The following CBX1 variants were observed in gnomAD, a reference collection of about 807,000 sequenced individuals.
CBX1 encodes the protein chromobox protein homolog 1.
A neutral mutation model predicts 25.1 loss-of-function variants in CBX1; 10 were observed. The ratio of observed to expected loss-of-function variants is 0.40; its 90% CI spans 0.25 to 0.68. The LOEUF is 0.68. Among genes scored for constraint, CBX1 ranks in the 30% least tolerant of loss-of-function variants. The probability of loss-of-function intolerance (pLI) is 0.40; values close to 1 mark genes in which losing one functional copy is unlikely to be tolerated. For synonymous variants in CBX1, 63 were observed against 79.4 expected (o/e 0.79, Z 1.10); for missense variants, 106 against 218.5 (o/e 0.49, Z 3.25).
chr17:48,084,669 G>A, intron 1 of CBX1, among the ~76,000 whole-genome samples: 1 of 149,440 alleles, frequency 6.7e-6, no homozygotes, highest in Non-Finnish European at 1.5e-5. Flanking sequence ...CCAGCACTTT[G>A]GGAGGCTGAG....
At chr17:48,092,320 A>G (rs935153215) in intron 1 of CBX1, among the ~76,000 whole-genome samples, 14 of 150,320 alleles carry the variant, frequency 9.3e-5, no homozygotes, top group Non-Finnish European at 3.0e-5. Flanking sequence ...CTATCTATTA[A>G]AAAAAAAATA....
intron 1 of CBX1, among the ~76,000 whole-genome samples, chr17:48,089,877 G>T (rs1471675278): frequency 6.6e-6 from 1 of 151,440 alleles, no homozygotes; most frequent in Non-Finnish European, 1.5e-5. Context: ...GTAAAGAAAG[G>T]AAGTAAATTC....
At chr17:48,082,458 T>C (rs180683220) in intron 1 of CBX1, among the ~76,000 whole-genome samples, 4,612 of 127,474 alleles carry the variant, frequency 0.036, 297 homozygotes, top group African/African-American at 0.13. Flanking sequence ...GCCGAGATCA[T>C]GCCACTGCAC....
At chr17:48,071,637 T>C in intron 4 of CBX1, 58 bp from the exon 5 acceptor site, 1 of 1,472,856 alleles carries the variant, frequency 6.8e-7, no homozygotes, top group African/African-American at 1.4e-5. Flanking sequence ...TATCCTAAGT[T>C]GGATAACCCA....
intron 4 of CBX1, among the ~76,000 whole-genome samples, chr17:48,074,220 C>CTGTGTG (rs34047980): frequency 4.0e-5 from 6 of 150,658 alleles, no homozygotes; most frequent in African/African-American, 1.2e-4. Context: ...GCTCCATAGA[C>CTGTGTG]TGTGTGTGTG....
chr17:48,093,376 G>A (rs556821991), intron 1 of CBX1, among the ~76,000 whole-genome samples: 12 of 151,636 alleles, frequency 7.9e-5, no homozygotes, highest in Admixed American at 5.9e-4. Context: ...GTCCGAAATG[G>A]CAAGCATACA....
At position 48,096,456 on chromosome 17, in the gene CBX1, T is replaced by C. The variant is rs182690030; in HGVS notation, c.-38+4812A>G. The stretch of plus-strand genomic sequence containing the variant: ...TGGTTAGAAAGCTAGACCAGAATTA[T>C]GACTACATTGGAAACGTATCAGAAC... On this transcript the variant is annotated intron_variant, in intron 1 of 4. Coordinates refer to ENST00000225603, the MANE Select transcript of CBX1 (RefSeq NM_001127228.2). 1.2e-3 allele frequency: 998 copies of C among 811,318 alleles called. 2 individuals are homozygous for C. Among genetic ancestry groups the C allele is most frequent in the Non-Finnish European group, 1.3e-3 (888 of 670,964 alleles). 50.3% of individuals were successfully genotyped at this position (811,318 alleles called of 1,614,324 possible). A position where few individuals can be genotyped will look rare whatever the true frequency, so the allele number is the denominator to read the frequency against.
chr17:48,078,663 T>C (rs1216884553), intron 1 of CBX1, among the ~76,000 whole-genome samples: 5 of 151,810 alleles, frequency 3.3e-5, no homozygotes, highest in East Asian at 3.9e-4. Context: ...CTAATTTCTA[T>C]ATTTTTAGAA....
chr17:48,076,003 C>G lies in CBX1; in HGVS notation c.316G>C (p.Glu106Gln), dbSNP rs2037671687. 6.3e-7 allele frequency: 1 copy of G among 1,594,256 alleles called. No homozygotes were observed. The highest frequency in any genetic ancestry group is 8.6e-7 in the Non-Finnish European group (1 of 1,166,494). ...AAAATTCTTACTTCTATTCTTACCT[C>G]TTCTTTCTTCTTCTTTGGTTTGCTC... is the stretch of plus-strand genomic sequence containing the variant. ...EESKPKKKKE[E>Q]SEKPRGFARG... The change falls in exon 3 of 5, where the codon GAG becomes CAG. Residue 106 changes from glutamate (E) to glutamine (Q), a missense_variant and splice_region_variant. Physicochemically the swap from Glu to Gln is conservative, Grantham distance 29 (BLOSUM62 2). Transcript: ENST00000225603.
chr17:48,087,143 C>T (rs894851970), intron 1 of CBX1, among the ~76,000 whole-genome samples: 5 of 150,304 alleles, frequency 3.3e-5, no homozygotes, highest in East Asian at 2.0e-4. Context: ...GAGCCCAGAT[C>T]GCACCATTGC....
chr17:48,082,366 A>G (rs951331973), intron 1 of CBX1, among the ~76,000 whole-genome samples: 153 of 151,460 alleles, frequency 1.0e-3, no homozygotes, highest in African/African-American at 3.7e-3. Context: ...GCTGGGTGTG[A>G]TGGCGGGCAC....
At position 48,070,558 on chromosome 17, in the gene CBX1, TG is replaced by T. The variant is rs1446001718; in HGVS notation, c.*876del. 1 of 152,636 alleles carries T rather than the reference TG, an allele frequency of 6.6e-6. No individual in the cohort carries two copies. Among genetic ancestry groups the T allele is most frequent in the Non-Finnish European group, 1.5e-5 (1 of 68,062 alleles). 9.5% of individuals were successfully genotyped at this position (152,636 alleles called of 1,614,324 possible). ...CTAACACCTCAGCCAGTGGCTTGGA[TG>T]AACAAGCTGATATTTATAACTTCGT... On this transcript the variant is annotated 3_prime_UTR_variant, in exon 5 of 5. Coordinates refer to ENST00000225603, the MANE Select transcript of CBX1 (RefSeq NM_001127228.2).
intron 1 of CBX1, chr17:48,096,500 G>A: frequency 2.5e-6 from 1 of 405,440 alleles, no homozygotes; most frequent in Non-Finnish European, 3.3e-6. Context: ...GGCCAGGCAT[G>A]GTGGCTCACA....
At chr17:48,077,065 A>AG in intron 1 of CBX1, 24 bp from the exon 2 acceptor site, 2 of 1,547,434 alleles carry the variant, frequency 1.3e-6, no homozygotes, top group Non-Finnish European at 1.7e-6. Context: ...TGAAATAAAA[A>AG]GGGCATTAGG....
intron 1 of CBX1, among the ~76,000 whole-genome samples, chr17:48,079,350 C>A (rs903287604): frequency 6.6e-6 from 1 of 152,078 alleles, no homozygotes; most frequent in African/African-American, 2.4e-5. Context: ...AAGTGATCCA[C>A]CCGCCATGGC....
At chr17:48,087,212 C>A (rs144349927) in intron 1 of CBX1, among the ~76,000 whole-genome samples, 161 of 147,498 alleles carry the variant, frequency 1.1e-3, no homozygotes, top group Non-Finnish European at 2.1e-3. Context: ...GAAAAGAATT[C>A]AGAGGAAAGC....
chr17:48,076,796 G>C (rs1464971804), intron 2 of CBX1, 69 bp downstream of exon 2: 1 of 1,409,324 alleles, frequency 7.1e-7, no homozygotes, highest in East Asian at 2.3e-5. Flanking sequence ...TAGCACTGGA[G>C]GTCTCATACA....
At chr17:48,096,025 C>A (rs147570913) in intron 1 of CBX1, among the ~76,000 whole-genome samples, 7,202 of 152,280 alleles carry the variant, frequency 0.047, 316 homozygotes, top group South Asian at 0.24. Flanking sequence ...GGATTACAGG[C>A]ATGCACCACC....
chr17:48,073,982 A>C (rs1293134796), intron 4 of CBX1, among the ~76,000 whole-genome samples: 1 of 152,164 alleles, frequency 6.6e-6, no homozygotes, highest in Non-Finnish European at 1.5e-5. Context: ...CCACCCAATA[A>C]GCAGCATCTT....
Sources: gnomAD v4.1 joint callset for allele counts (sites outside exome capture counted in the v4.1 genomes callset) on GRCh38, gnomAD v4.1.1 for gene constraint, MANE v1.5 for transcripts, NCBI Gene and HGNC (gene_info 2026-07-23, HGNC 2026-07-21) for gene names.